The following GTF2F2 variants were observed in gnomAD, a reference collection of about 807,000 sequenced individuals.
The protein encoded by GTF2F2 is general transcription factor IIF subunit 2.
Under a neutral mutation model 42.2 loss-of-function variants are expected in GTF2F2, and 23 were observed. The ratio of observed to expected loss-of-function variants is 0.55; its 90% CI spans 0.39 to 0.77. The LOEUF is 0.77. Ranked by LOEUF, GTF2F2 falls within the 30% of genes least tolerant of loss-of-function variation. The pLI, the probability that GTF2F2 is intolerant of heterozygous loss-of-function variation, is 0.00. For synonymous variants in GTF2F2, 105 were observed against 100.8 expected (o/e 1.04, Z -0.25); for missense variants, 261 against 287.2 (o/e 0.91, Z 0.66).
chr13:45,230,837 T>G (rs985995400), intron 5 of GTF2F2, among the ~76,000 whole-genome samples: 4 of 152,188 alleles, frequency 2.6e-5, no homozygotes, highest in African/African-American at 9.6e-5. Flanking sequence ...CGGTGTCAGC[T>G]AAAAGTTCTT....
At chr13:45,234,735 C>T (rs945034960) in intron 5 of GTF2F2, among the ~76,000 whole-genome samples, 1 of 152,034 alleles carries the variant, frequency 6.6e-6, no homozygotes, top group South Asian at 2.1e-4. Context: ...AGTAAATATG[C>T]ACTTTGGGCA....
chr13:45,281,959 G>A (rs985498220), intron 7 of GTF2F2, among the ~76,000 whole-genome samples: 4 of 152,176 alleles, frequency 2.6e-5, no homozygotes, highest in Admixed American at 6.5e-5. Flanking sequence ...AGCACTTTGG[G>A]AGGCCGAAGT....
intron 6 of GTF2F2, among the ~76,000 whole-genome samples, chr13:45,263,230 A>C (rs1876416801): frequency 6.6e-6 from 1 of 151,614 alleles, no homozygotes; most frequent in Non-Finnish European, 1.5e-5. Flanking sequence ...TTTCAGACTA[A>C]ATTTTTTTTT....
chr13:45,131,897 CAAA>C (rs765260379), intron 1 of GTF2F2, among the ~76,000 whole-genome samples: 281 of 53,180 alleles, frequency 5.3e-3, no homozygotes, highest in African/African-American at 0.015. Flanking sequence ...GACCCTGTCT[CAAA>C]AAAAAAAAAA....
chr13:45,124,843 C>T (rs139609477), intron 1 of GTF2F2, among the ~76,000 whole-genome samples: 5,317 of 152,170 alleles, frequency 0.035, 275 homozygotes, highest in African/African-American at 0.11. Flanking sequence ...GGATTACAGG[C>T]ATGAGCCACT....
intron 7 of GTF2F2, among the ~76,000 whole-genome samples, chr13:45,270,894 C>T (rs1321971396): frequency 1.3e-5 from 2 of 152,188 alleles, no homozygotes; most frequent in East Asian, 3.8e-4. Flanking sequence ...AAACACCAAA[C>T]TGCCAATACC....
chr13:45,149,856 AAG>A, intron 3 of GTF2F2, 68 bp downstream of exon 3: 1 of 1,401,078 alleles, frequency 7.1e-7, no homozygotes, highest in Non-Finnish European at 9.5e-7. Flanking sequence ...ATAGTGAAAA[AAG>A]AGTGTTTGAA....
chr13:45,131,019 G>A (rs9534035), intron 1 of GTF2F2, among the ~76,000 whole-genome samples: 25,255 of 152,128 alleles, frequency 0.17, 2,475 homozygotes, highest in Non-Finnish European at 0.22. Flanking sequence ...TTGGGAGGCT[G>A]AGGTGGGCGG....
chr13:45,200,455 C>G (rs1214366304), intron 4 of GTF2F2, among the ~76,000 whole-genome samples: 1 of 152,092 alleles, frequency 6.6e-6, no homozygotes. Flanking sequence ...CACAGGCATA[C>G]CCCACCATAC....
At chr13:45,134,208 C>T (rs1196794041) in intron 1 of GTF2F2, among the ~76,000 whole-genome samples, 1 of 152,118 alleles carries the variant, frequency 6.6e-6, no homozygotes. Flanking sequence ...TATTGACTAC[C>T]CTTCCGCAAA....
chr13:45,233,229 G>A (rs1430189954), intron 5 of GTF2F2, among the ~76,000 whole-genome samples: 1 of 152,078 alleles, frequency 6.6e-6, no homozygotes, highest in Non-Finnish European at 1.5e-5. Context: ...TCTAGCCTGG[G>A]CAGCATCGTG....
chr13:45,163,008 G>T (rs2138134120), intron 4 of GTF2F2, among the ~76,000 whole-genome samples: 1 of 148,462 alleles, frequency 6.7e-6, no homozygotes, highest in Admixed American at 6.8e-5. Context: ...ATTATGACTA[G>T]TCTGCAATTC....
intron 7 of GTF2F2, 73 bp downstream of exon 7, chr13:45,267,449 T>G (rs1296084456): frequency 1.9e-6 from 2 of 1,035,188 alleles, no homozygotes; most frequent in African/African-American, 3.4e-5. Context: ...AAGTGTGTCA[T>G]ACATGATTTA....
intron 4 of GTF2F2, among the ~76,000 whole-genome samples, chr13:45,191,220 AAAAAATATATATAT>A (rs1555267753): frequency 0.035 from 2,663 of 75,206 alleles, 103 homozygotes; most frequent in Middle Eastern, 0.056. Flanking sequence ...AAATACAAAA[AAAAAATATATATAT>A]ATATATATAT....
chr13:45,137,464 AC>A (rs558389695), intron 2 of GTF2F2, among the ~76,000 whole-genome samples: 185 of 152,292 alleles, frequency 1.2e-3, no homozygotes, highest in African/African-American at 3.6e-3. Context: ...TTCATAACAA[AC>A]CATCCCAAAA....
chr13:45,268,507 A>C (rs542689127), intron 7 of GTF2F2, among the ~76,000 whole-genome samples: 1 of 152,304 alleles, frequency 6.6e-6, no homozygotes, highest in East Asian at 1.9e-4. Flanking sequence ...AATAAGAAGA[A>C]AGTGCTCATG....
chr13:45,227,892 A>G (rs9590884), intron 5 of GTF2F2, among the ~76,000 whole-genome samples: 16,013 of 152,128 alleles, frequency 0.11, 2,273 homozygotes, highest in African/African-American at 0.32. Context: ...TGGGGAGGTG[A>G]TGGCCCAAGG....
intron 4 of GTF2F2, among the ~76,000 whole-genome samples, chr13:45,166,818 T>A (rs1283039017): frequency 1.3e-5 from 2 of 152,218 alleles, no homozygotes; most frequent in Non-Finnish European, 2.9e-5. Flanking sequence ...TATACAAGCC[T>A]CAATTTAGAG....
At chr13:45,184,164 A>C (rs574292965) in intron 4 of GTF2F2, among the ~76,000 whole-genome samples, 1 of 152,058 alleles carries the variant, frequency 6.6e-6, no homozygotes, top group Admixed American at 6.5e-5. Flanking sequence ...TCATTCACAT[A>C]CTTTCCCAGA....
Sources: gnomAD v4.1 joint callset for allele counts (sites outside exome capture counted in the v4.1 genomes callset) on GRCh38, gnomAD v4.1.1 for gene constraint, MANE v1.5 for transcripts, NCBI Gene and HGNC (gene_info 2026-07-23, HGNC 2026-07-21) for gene names.